Variants in OR2T29 observed in about 807,000 individuals in gnomAD.
OR2T29 encodes the protein olfactory receptor 2T29.
For missense variants in OR2T29, 7 were observed against 121.9 expected (o/e 0.06, Z 4.44); for synonymous variants, 2 against 44.9 (o/e 0.04, Z 3.82).
intron 1 of OR2T29, among the ~76,000 whole-genome samples, chr1:248,562,295 A>G (rs11486189): frequency 0.22 from 31,740 of 141,998 alleles, 4,487 homozygotes; most frequent in African/African-American, 0.5. Context: ...TACACTTTGG[A>G]TTTAGGCCAC....
At chr1:248,559,818 TGAAA>T (rs1463250161) in intron 1 of OR2T29, among the ~76,000 whole-genome samples, 7 of 65,260 alleles carry the variant, frequency 1.1e-4, no homozygotes, top group Admixed American at 2.4e-4. Flanking sequence ...AGTGACTCAT[TGAAA>T]GAAAGATAAA....
Position 248,558,047 on chromosome 1 carries a change from GA to G in OR2T29, c.*496del, listed in dbSNP as rs991901367. 6.5e-6 allele frequency: 1 copy of G among 152,702 alleles called. No homozygotes were observed. The highest frequency in any genetic ancestry group is 1.5e-5 in the Non-Finnish European group (1 of 68,308). 9.5% of individuals were successfully genotyped at this position (152,702 alleles called of 1,614,324 possible). A position where few individuals can be genotyped will look rare whatever the true frequency, so the allele number is the denominator to read the frequency against. On this transcript the variant is annotated 3_prime_UTR_variant, in exon 2 of 2. Transcript: ENST00000641069. The stretch of plus-strand genomic sequence containing the variant: ...AAAGGAGAATATTTTCAAAAAGGGA[GA>G]AAAGCCTGGTATTTAATTATTTGTA...
In OR2T29 at chr1:248,559,429, G is replaced by C; in HGVS notation, c.63C>G (p.Leu21=). 3 of 1,527,174 alleles carry C rather than the reference G, an allele frequency of 2.0e-6. No homozygotes were observed. Among genetic ancestry groups the C allele is most frequent in the Non-Finnish European group, 2.7e-6 (3 of 1,127,986 alleles). The allele number at this position is 1,527,174 out of a possible 1,614,324, so 94.6% of individuals were successfully genotyped here. A position where few individuals can be genotyped will look rare whatever the true frequency, so the allele number is the denominator to read the frequency against. The change falls in exon 2 of 2, where the codon CTC becomes CTG. Residue 21 remains leucine, a synonymous_variant. Transcript: ENST00000641069. ...GAGCTGGATGTTTGGATTGTCTGAA[G>C]AGTCCCATGAGGATGAAATCCAACC... The part of the protein sequence containing the change: ...TGRLDFILMG[L]FRQSKHPALL...
intron 1 of OR2T29, 82 bp from the exon 2 acceptor site, chr1:248,559,583 T>G (rs1396684811): frequency 1.2e-6 from 1 of 860,020 alleles, no homozygotes; most frequent in African/African-American, 1.5e-5. Context: ...CATTTGTGTA[T>G]GCTCATTGTG....
chr1:248,562,552 T>C lies in OR2T29; in HGVS notation c.-11+174A>G, dbSNP rs1659542248. On this transcript the variant is annotated intron_variant, in intron 1 of 1. Transcript: ENST00000641069. ...TATGTCACAGTAAATAAGTGTTGTA[T>C]AGAAGTTATAAGAAAGAATAACATT... 1.4e-5 allele frequency: 2 copies of C among 144,870 alleles called. 1 individual carries two copies. The highest frequency in any genetic ancestry group is 1.4e-4 in the Admixed American group (2 of 14,740). 9.0% of individuals were successfully genotyped at this position (144,870 alleles called of 1,614,324 possible).
chr1:248,560,328 A>G lies in OR2T29; in HGVS notation c.-10-827T>C, dbSNP rs1417915758. On this transcript the variant is annotated intron_variant, in intron 1 of 1. Transcript: ENST00000641069. The stretch of plus-strand genomic sequence containing the variant: ...ATAAACACATATACTCTTAGTGTAG[A>G]TGTTAACTCTTTAAGCTAACTATTC... Among the ~76,000 whole-genome samples the G allele has an allele frequency of 7.5e-5, 7 of 93,804 alleles. 2 individuals carry two copies. The Admixed American group carries it at 8.9e-4, about 12-fold the overall frequency. The allele number at this position is 93,804 out of a possible 152,430, so 61.5% of individuals were successfully genotyped here. A position where few individuals can be genotyped will look rare whatever the true frequency, so the allele number is the denominator to read the frequency against.
At chr1:248,562,301 G>A (rs1484228663) in intron 1 of OR2T29, among the ~76,000 whole-genome samples, 1 of 146,740 alleles carries the variant, frequency 6.8e-6, no homozygotes, top group Non-Finnish European at 1.5e-5. Flanking sequence ...TTGGATTTAG[G>A]CCACTGTCTG....
chr1:248,562,170 G>A (rs1383973669), intron 1 of OR2T29, among the ~76,000 whole-genome samples: 2 of 150,228 alleles, frequency 1.3e-5, no homozygotes, highest in Non-Finnish European at 3.0e-5. Flanking sequence ...CAGGGTACCT[G>A]CCTAATATCA....
chr1:248,562,270 C>G (rs1421457617), intron 1 of OR2T29, among the ~76,000 whole-genome samples: 1 of 149,366 alleles, frequency 6.7e-6, no homozygotes, highest in African/African-American at 2.5e-5. Flanking sequence ...GGGACACCAT[C>G]CTCCCTCTGC....
Position 248,558,019 on chromosome 1 carries a change from CAG to C in OR2T29, c.*523_*524del, listed in dbSNP as rs533537624. ...TCTAAGATGTCACACTGCCACCAAG[CAG>C]AAAGGAGAATATTTTCAAAAAGGGA... On this transcript the variant is annotated 3_prime_UTR_variant, in exon 2 of 2. Coordinates refer to ENST00000641069, the MANE Select transcript of OR2T29 (RefSeq NM_001004694.3). The C allele has an allele frequency of 1.8e-3, 295 of 160,082 alleles. No individual in the cohort carries two copies. Among genetic ancestry groups the C allele is most frequent in the African/African-American group, 6.8e-3 (282 of 41,382 alleles). The allele number at this position is 160,082 out of a possible 1,614,324, so 9.9% of individuals were successfully genotyped here.
Position 248,562,527 on chromosome 1 carries a change from T to C in OR2T29, c.-11+199A>G, listed in dbSNP as rs565279004. ...TGGAAATTAAAAATCCATTTACCAT[T>C]ATGTCACAGTAAATAAGTGTTGTAT... On this transcript the variant is annotated intron_variant, in intron 1 of 1. Coordinates refer to ENST00000641069, the MANE Select transcript of OR2T29 (RefSeq NM_001004694.3). 9 of 145,196 alleles carry C rather than the reference T, an allele frequency of 6.2e-5. No individual in the cohort carries two copies. The East Asian group carries it at 1.8e-3, about 29-fold the overall frequency. 9.0% of individuals were successfully genotyped at this position (145,196 alleles called of 1,614,324 possible). A position where few individuals can be genotyped will look rare whatever the true frequency, so the allele number is the denominator to read the frequency against.
chr1:248,562,171 C>T (rs1297418541), intron 1 of OR2T29, among the ~76,000 whole-genome samples: 1 of 150,394 alleles, frequency 6.6e-6, no homozygotes, highest in Non-Finnish European at 1.5e-5. Flanking sequence ...AGGGTACCTG[C>T]CTAATATCAC....
rs1297085910 is a variant in OR2T29 at position 248,558,188 on chromosome 1, CCT to C, written c.*354_*355del. 1 of 110,608 alleles carries C rather than the reference CCT, an allele frequency of 9.0e-6. No individual in the cohort carries two copies. Among genetic ancestry groups the C allele is most frequent in the Non-Finnish European group, 1.9e-5 (1 of 51,312 alleles). The allele number at this position is 110,608 out of a possible 1,614,324, so 6.9% of individuals were successfully genotyped here. A position where few individuals can be genotyped will look rare whatever the true frequency, so the allele number is the denominator to read the frequency against. ...ATTGAACTCAGTTTGTTTCATTGCC[CCT>C]CTCTATCTCCCTCCCTCTTTCCCTC... On this transcript the variant is annotated 3_prime_UTR_variant, in exon 2 of 2. Coordinates refer to ENST00000641069, the MANE Select transcript of OR2T29 (RefSeq NM_001004694.3).
intron 1 of OR2T29, chr1:248,562,470 A>G (rs1472002457): frequency 6.9e-6 from 1 of 143,954 alleles, no homozygotes; most frequent in African/African-American, 2.7e-5. Flanking sequence ...ATCTAAAACT[A>G]TAGAATATAT....
At chr1:248,560,124 C>A (rs1212336912) in intron 1 of OR2T29, among the ~76,000 whole-genome samples, 1 of 31,958 alleles carries the variant, frequency 3.1e-5, no homozygotes, top group African/African-American at 4.9e-5. Context: ...CATCGAGAGA[C>A]GTGAAGTGAG....
intron 1 of OR2T29, among the ~76,000 whole-genome samples, chr1:248,560,327 G>A (rs1659519062): frequency 1.1e-5 from 1 of 93,488 alleles, no homozygotes; most frequent in African/African-American, 2.6e-5. Flanking sequence ...TCTTAGTGTA[G>A]ATGTTAACTC....
Position 248,557,094 on chromosome 1 carries a change from G to T in OR2T29, c.*1450C>A, listed in dbSNP as rs1487920940. 6.6e-6 allele frequency: 1 copy of T among 152,316 alleles called. No individual in the cohort carries two copies. The highest frequency in any genetic ancestry group is 1.5e-5 in the Non-Finnish European group (1 of 68,066). 9.4% of individuals were successfully genotyped at this position (152,316 alleles called of 1,614,324 possible). ...CAGCCTATTCTCGGGTAAAGGCATG[G>T]TCGACTCCACTTAGATCAACATCAT... On this transcript the variant is annotated 3_prime_UTR_variant, in exon 2 of 2. Coordinates refer to ENST00000641069, the MANE Select transcript of OR2T29 (RefSeq NM_001004694.3).
In OR2T29 at chr1:248,562,724, A is replaced by G. The variant is rs1300194016; in HGVS notation, c.-11+2T>C. The G allele has an allele frequency of 1.4e-5, 2 of 144,908 alleles. No homozygotes were observed. Among genetic ancestry groups the G allele is most frequent in the Non-Finnish European group, 3.1e-5 (2 of 65,498 alleles). 9.0% of individuals were successfully genotyped at this position (144,908 alleles called of 1,614,324 possible). On this transcript the variant is annotated splice_donor_variant, in intron 1 of 1. Coordinates refer to ENST00000641069, the MANE Select transcript of OR2T29 (RefSeq NM_001004694.3). LOFTEE classifies it low-confidence loss of function (5UTR_SPLICE). ...ACCTCCTGTCTGTCTGGCCGAACTC[A>G]CCATCAGATGATGTCTTGAACCTCA...
rs1659481271 is a variant in OR2T29, at chr1:248,558,095, A to AAG, written c.*448_*449insCT. The AAG allele has an allele frequency of 4.2e-5, 2 of 48,144 alleles. No homozygotes were observed. The highest frequency in any genetic ancestry group is 7.3e-5 in the Non-Finnish European group (2 of 27,566). 3.0% of individuals were successfully genotyped at this position (48,144 alleles called of 1,614,324 possible). ...TGTAAATGATTTCAACTTCACAAAA[A>AAG]TCATTAAAAAACAATAGTACAATTA... On this transcript the variant is annotated 3_prime_UTR_variant, in exon 2 of 2. Transcript: ENST00000641069.
Sources: gnomAD v4.1 joint callset for allele counts (sites outside exome capture counted in the v4.1 genomes callset) on GRCh38, gnomAD v4.1.1 for gene constraint, MANE v1.5 for transcripts, NCBI Gene and HGNC (gene_info 2026-07-23, HGNC 2026-07-21) for gene names.